Variants in KCNQ1 observed in about 807,000 individuals in gnomAD.
KCNQ1 encodes potassium voltage-gated channel subfamily Q member 1.
Under a neutral mutation model 72.4 loss-of-function variants are expected in KCNQ1, and 49 were observed. The observed-to-expected ratio is 0.68, with a 90% CI of 0.54 to 0.86. The LOEUF is 0.86. Ranked by LOEUF, KCNQ1 falls within the 40% of genes least tolerant of loss-of-function variation. The pLI is 0.00. For missense variants in KCNQ1, 790 were observed against 945.1 expected (o/e 0.84, Z 2.15); for synonymous variants, 450 against 412.6 (o/e 1.09, Z -1.10).
intron 10 of KCNQ1, among the ~76,000 whole-genome samples, chr11:2,596,937 T>C (rs963219258): frequency 3.3e-5 from 5 of 151,974 alleles, no homozygotes; most frequent in African/African-American, 9.7e-5. Context: ...TAATTTTTTA[T>C]TGATAACCTA....
rs1167304327 is a variant in KCNQ1, at chr11:2,703,905, T to A, written c.1514+41824T>A. Among the ~76,000 whole-genome samples, 1 of 152,194 alleles carries A rather than the reference T, an allele frequency of 6.6e-6. No homozygotes were observed. Among genetic ancestry groups the A allele is most frequent in the Non-Finnish European group, 1.5e-5 (1 of 68,036 alleles). ...GGAAGCTGAGAGGCCCAGGGCCACG[T>A]GGCAGCCTCCGCAGTCCATCTGAAG... On this transcript the variant is annotated intron_variant, in intron 11 of 15. Coordinates refer to ENST00000155840, the MANE Select transcript of KCNQ1 (RefSeq NM_000218.3). The surrounding 1 kb of genome is among the most constrained non-coding windows in gnomAD (Gnocchi z 6.4).
intron 2 of KCNQ1, among the ~76,000 whole-genome samples, 200 bp downstream of exon 2, chr11:2,528,218 G>A (rs1169473644): frequency 2.6e-5 from 4 of 152,228 alleles, no homozygotes; most frequent in African/African-American, 9.6e-5. Context: ...ACAGGCGAGG[G>A]GGACCAAGGA....
Position 2,481,413 on chromosome 11 carries a change from G to T in KCNQ1, c.386+35929G>T, listed in dbSNP as rs531872901. On this transcript the variant is annotated intron_variant, in intron 1 of 15. Transcript: ENST00000155840. This position sits in a 1 kb window ranked among gnomAD's most constrained non-coding sequence, Gnocchi z 4.6. Reference sequence around the variant, plus strand: ...TGGTCTTTGTGTGTGTGTTAAGGGCGTGTACACACACAGTGCAGTCAGGAG... The same window carrying T: ...TGGTCTTTGTGTGTGTGTTAAGGGCTTGTACACACACAGTGCAGTCAGGAG... 6.6e-6 allele frequency among the ~76,000 whole-genome samples: 1 copy of T among 152,146 alleles called. No homozygotes were observed. The highest frequency in any genetic ancestry group is 2.1e-4 in the South Asian group (1 of 4,828).
chr11:2,663,554 CCTT>C lies in KCNQ1; in HGVS notation c.1514+1476_1514+1478del. ...CAGAGAGGGGACTGTCCCTTCTCATCCTTCTGGCTGCTTGCTTCTCCTGTTGGA... is the reference window on the plus strand; with the variant it reads ...CAGAGAGGGGACTGTCCCTTCTCATCCTGGCTGCTTGCTTCTCCTGTTGGA... On this transcript the variant is annotated intron_variant, in intron 11 of 15. Transcript: ENST00000155840. This position sits in a 1 kb window ranked among gnomAD's most constrained non-coding sequence, Gnocchi z 5.2. The C allele has an allele frequency of 2.5e-6, 1 of 398,660 alleles. No individual in the cohort carries two copies. The highest frequency in any genetic ancestry group is 4.4e-6 in the Non-Finnish European group (1 of 226,102). The allele number at this position is 398,660 out of a possible 1,614,324, so 24.7% of individuals were successfully genotyped here.
At chr11:2,736,299 GAGC>G (rs1475892460) in intron 11 of KCNQ1, among the ~76,000 whole-genome samples, 2 of 152,180 alleles carry the variant, frequency 1.3e-5, no homozygotes, top group East Asian at 3.9e-4. Flanking sequence ...AAAGGCGACC[GAGC>G]TTGGGCCGTA....
chr11:2,591,339 A>T (rs990263566), intron 10 of KCNQ1, among the ~76,000 whole-genome samples: 1 of 152,134 alleles, frequency 6.6e-6, no homozygotes, highest in Non-Finnish European at 1.5e-5. Context: ...CTCCCGCTCC[A>T]CTGGGCACCA....
rs760371519 is a variant in KCNQ1, at chr11:2,445,347, G to T, written c.249G>T (p.Pro83=). Residue 83 remains proline, a synonymous_variant, in exon 1 of 16, where the codon CCG becomes CCT. Coordinates refer to ENST00000155840, the MANE Select transcript of KCNQ1 (RefSeq NM_000218.3). ...PPVASDLGPR[P]PVSLDPRVSI... is the part of the protein sequence containing the mutation. ...TTGCCTCCGACCTTGGCCCGCGGCC[G>T]CCGGTGAGCCTAGACCCGCGCGTCT... The T allele has an allele frequency of 1.3e-6, 2 of 1,592,598 alleles. No homozygotes were observed. The highest frequency in any genetic ancestry group is 1.1e-5 in the South Asian group (1 of 90,462).
intron 2 of KCNQ1, 109 bp from the exon 3 acceptor site, chr11:2,570,519 G>A (rs1040080577): frequency 2.1e-6 from 3 of 1,460,492 alleles, no homozygotes; most frequent in Non-Finnish European, 2.8e-6. Flanking sequence ...TGTTCTCAGG[G>A]TGTCCTTCAG....
rs1847875172 is a variant in KCNQ1 at position 2,544,376 on chromosome 11, A to ATATGTGTATATG, written c.477+16365_477+16366insATATGTATGTGT. 7.1e-6 allele frequency among the ~76,000 whole-genome samples: 1 copy of ATATGTGTATATG among 141,186 alleles called. No homozygotes were observed. Among genetic ancestry groups the ATATGTGTATATG allele is most frequent in the African/African-American group, 2.7e-5 (1 of 37,150 alleles). The allele number at this position is 141,186 out of a possible 152,430, so 92.6% of individuals were successfully genotyped here. A position where few individuals can be genotyped will look rare whatever the true frequency, so the allele number is the denominator to read the frequency against. On this transcript the variant is annotated intron_variant, in intron 2 of 15. Transcript: ENST00000155840. The surrounding 1 kb of genome is among the most constrained non-coding windows in gnomAD (Gnocchi z 4.4). ...TATATGTGTATATATATGTGTATAT[A>ATATGTGTATATG]TATGTGTGCATATATGTGTATATAT... is the stretch of plus-strand genomic sequence containing the variant.
At chr11:2,841,639 T>C (rs1848213758) in intron 15 of KCNQ1, among the ~76,000 whole-genome samples, 2 of 152,220 alleles carry the variant, frequency 1.3e-5, no homozygotes, top group Admixed American at 1.3e-4. Flanking sequence ...GCTGTTGGCC[T>C]GCAGGCCTTG....
rs145762501 is a variant in KCNQ1, at chr11:2,699,669, G to C, written c.1514+37588G>C. The C allele has an allele frequency of 1.3e-3, 357 of 273,466 alleles. 2 individuals are homozygous for C. The highest frequency in any genetic ancestry group is 1.3e-3 in the African/African-American group (26 of 19,412). 16.9% of individuals were successfully genotyped at this position (273,466 alleles called of 1,614,324 possible). A position where few individuals can be genotyped will look rare whatever the true frequency, so the allele number is the denominator to read the frequency against. ...AACCGCGCCGAAGAACCCCCGGGGAGAACCGCGCCGAAAAGCCCCGGGTGC... is the reference window on the plus strand; with the variant it reads ...AACCGCGCCGAAGAACCCCCGGGGACAACCGCGCCGAAAAGCCCCGGGTGC... On this transcript the variant is annotated intron_variant, in intron 11 of 15. Transcript: ENST00000155840.
At position 2,679,867 on chromosome 11, in the gene KCNQ1, C is replaced by T; in HGVS notation, c.1514+17786C>T. 2.5e-6 allele frequency: 1 copy of T among 398,424 alleles called. No individual in the cohort carries two copies. Among genetic ancestry groups the T allele is most frequent in the Non-Finnish European group, 4.4e-6 (1 of 226,034 alleles). 24.7% of individuals were successfully genotyped at this position (398,424 alleles called of 1,614,324 possible). ...AGGACATGCATTTTTTTCATATAAA[C>T]TTAGAACTAGCACGCCTAATTTTTT... On this transcript the variant is annotated intron_variant, in intron 11 of 15. Transcript: ENST00000155840. This position sits in a 1 kb window ranked among gnomAD's most constrained non-coding sequence, Gnocchi z 4.8.
rs751806375 is a variant in KCNQ1, at chr11:2,445,309, G to T, written c.211G>T (p.Ala71Ser). 2 of 1,454,872 alleles carry T rather than the reference G, an allele frequency of 1.4e-6. No homozygotes were observed. The highest frequency in any genetic ancestry group is 2.1e-4 in the Middle Eastern group (1 of 4,676). 90.1% of individuals were successfully genotyped at this position (1,454,872 alleles called of 1,614,324 possible). ...GCCCCCTGCGTCCCCGGCCGCGCCC[G>T]CCGCGCCCCCAGTTGCCTCCGACCT... ...PAPPASPAAP[A>S]APPVASDLGP... Residue 71 changes from alanine to serine, a missense_variant, in exon 1 of 16, where the codon GCC (alanine) becomes TCC (serine). This residue lies in a region of KCNQ1 where 294 missense variants were observed against 323.3 expected (regional missense o/e 0.91). Transcript: ENST00000155840.
Position 2,691,843 on chromosome 11 carries a change from C to A in KCNQ1, c.1514+29762C>A, listed in dbSNP as rs1182427755. The A allele has an allele frequency of 2.4e-4, 97 of 398,702 alleles. No individual in the cohort carries two copies. Among genetic ancestry groups the A allele is most frequent in the South Asian group, 5.1e-4 (4 of 7,866 alleles). The allele number at this position is 398,702 out of a possible 1,614,324, so 24.7% of individuals were successfully genotyped here. A position where few individuals can be genotyped will look rare whatever the true frequency, so the allele number is the denominator to read the frequency against. Reference sequence around the variant, plus strand: ...AATGTGACCTCTGCCAGGACCATGACCCCTAGGTCCTCTTTTCCATCCCTC... The same window carrying A: ...AATGTGACCTCTGCCAGGACCATGAACCCTAGGTCCTCTTTTCCATCCCTC... On this transcript the variant is annotated intron_variant, in intron 11 of 15. Transcript: ENST00000155840. This position sits in a 1 kb window ranked among gnomAD's most constrained non-coding sequence, Gnocchi z 6.4.
At chr11:2,539,293 G>A (rs1175727701) in intron 2 of KCNQ1, among the ~76,000 whole-genome samples, 1 of 152,202 alleles carries the variant, frequency 6.6e-6, no homozygotes, top group African/African-American at 2.4e-5. Context: ...TGGCCAGGTA[G>A]AAGCTCCTAC....
intron 15 of KCNQ1, among the ~76,000 whole-genome samples, chr11:2,800,359 G>T (rs997175297): frequency 6.6e-6 from 1 of 152,204 alleles, no homozygotes; most frequent in Non-Finnish European, 1.5e-5. Flanking sequence ...GGTTTCCAGC[G>T]CCTCAGTGCA....
chr11:2,740,256 C>T (rs538959186), intron 11 of KCNQ1, among the ~76,000 whole-genome samples: 14 of 152,260 alleles, frequency 9.2e-5, no homozygotes, highest in East Asian at 1.9e-4. Context: ...TGCCCATCGA[C>T]GCTGCTGGGC....
At chr11:2,754,019 T>C (rs1846263585) in intron 11 of KCNQ1, among the ~76,000 whole-genome samples, 1 of 152,176 alleles carries the variant, frequency 6.6e-6, no homozygotes, top group African/African-American at 2.4e-5. Context: ...CAGACATTTC[T>C]CCAAAGAGCA....
At chr11:2,570,141 G>T (rs999625716) in intron 2 of KCNQ1, among the ~76,000 whole-genome samples, 2 of 152,208 alleles carry the variant, frequency 1.3e-5, no homozygotes, top group Non-Finnish European at 2.9e-5. Context: ...GGTTCCTGGC[G>T]TGGGACGCCC....
Sources: gnomAD v4.1 joint callset for allele counts (sites outside exome capture counted in the v4.1 genomes callset) on GRCh38, gnomAD v4.1.1 for gene constraint, gnomAD v4.1.1 regional missense constraint, Gnocchi (gnomAD v3.1) non-coding constraint, MANE v1.5 for transcripts, NCBI Gene and HGNC (gene_info 2026-07-23, HGNC 2026-07-21) for gene names.